Variants in CNTNAP2 observed in about 807,000 individuals in gnomAD.
The protein encoded by CNTNAP2 is contactin-associated protein-like 2.
CNTNAP2 carries 98 observed loss-of-function variants against 155.2 expected under a neutral mutation model. That is an observed-to-expected ratio of 0.63 (90% confidence interval 0.54 to 0.75). The LOEUF (loss-of-function observed/expected upper bound fraction) is 0.75. Ranked by LOEUF, CNTNAP2 falls within the 30% of genes least tolerant of loss-of-function variation. The pLI, the probability that CNTNAP2 is intolerant of heterozygous loss-of-function variation, is 0.00. For synonymous variants in CNTNAP2, 651 were observed against 631.2 expected (o/e 1.03, Z -0.47); for missense variants, 1,727 against 1,688.1 (o/e 1.02, Z -0.40).
intron 14 of CNTNAP2, among the ~76,000 whole-genome samples, chr7:147,977,063 T>C (rs1390680036): frequency 6.6e-6 from 1 of 152,112 alleles, no homozygotes; most frequent in Non-Finnish European, 1.5e-5. Context: ...GTGAAATCTG[T>C]GCTGCACGGG....
At chr7:146,595,285 G>A (rs938530132) in intron 1 of CNTNAP2, among the ~76,000 whole-genome samples, 3 of 151,854 alleles carry the variant, frequency 2.0e-5, no homozygotes, top group Non-Finnish European at 4.4e-5. Flanking sequence ...AATTTTACAA[G>A]GTTCTAACAT....
chr7:147,592,968 C>T (rs879666189), intron 12 of CNTNAP2, among the ~76,000 whole-genome samples: 1 of 152,256 alleles, frequency 6.6e-6, no homozygotes, highest in Non-Finnish European at 1.5e-5. Flanking sequence ...CTGCAGGATG[C>T]GAGGCAAAGA....
intron 2 of CNTNAP2, among the ~76,000 whole-genome samples, chr7:146,776,350 T>A (rs1802389831): frequency 2.0e-5 from 3 of 152,144 alleles, no homozygotes; most frequent in African/African-American, 7.2e-5. Flanking sequence ...ATTTGCTCAG[T>A]AAATTTGGGC....
At chr7:146,938,377 A>G (rs1286800649) in intron 3 of CNTNAP2, among the ~76,000 whole-genome samples, 1 of 119,430 alleles carries the variant, frequency 8.4e-6, no homozygotes, top group Non-Finnish European at 1.9e-5. Context: ...ATATATAAGT[A>G]GTAGAAGTAG....
intron 13 of CNTNAP2, among the ~76,000 whole-genome samples, chr7:147,712,547 C>T (rs577980138): frequency 3.9e-5 from 6 of 152,278 alleles, no homozygotes; most frequent in South Asian, 4.1e-4. Flanking sequence ...ACATATACAC[C>T]GTGGAATACC....
At chr7:146,325,813 T>A (rs1472765451) in intron 1 of CNTNAP2, among the ~76,000 whole-genome samples, 1 of 152,144 alleles carries the variant, frequency 6.6e-6, no homozygotes, top group Non-Finnish European at 1.5e-5. Context: ...ACAAGACACA[T>A]CATGTGCACA....
At chr7:146,379,167 T>A (rs1016846595) in intron 1 of CNTNAP2, among the ~76,000 whole-genome samples, 5 of 152,246 alleles carry the variant, frequency 3.3e-5, no homozygotes, top group Non-Finnish European at 5.9e-5. Flanking sequence ...CTTGGGATTT[T>A]CTGCAGAATG....
At chr7:146,123,733 A>G (rs1255474660) in intron 1 of CNTNAP2, among the ~76,000 whole-genome samples, 1 of 152,236 alleles carries the variant, frequency 6.6e-6, no homozygotes, top group Non-Finnish European at 1.5e-5. Context: ...TTGTTAAAAA[A>G]ACAGTCTGTT....
chr7:147,395,165 C>A (rs1382754186), intron 9 of CNTNAP2, among the ~76,000 whole-genome samples: 1 of 151,600 alleles, frequency 6.6e-6, no homozygotes, highest in Non-Finnish European at 1.5e-5. Flanking sequence ...GAATAACAGG[C>A]AATAGGGAAT....
chr7:146,246,066 C>T (rs1208877186), intron 1 of CNTNAP2, among the ~76,000 whole-genome samples: 2 of 151,888 alleles, frequency 1.3e-5, no homozygotes, highest in African/African-American at 4.8e-5. Context: ...TTTAAAAGGC[C>T]ATGCTGTAGC....
chr7:147,678,666 T>A (rs914337269), intron 13 of CNTNAP2, among the ~76,000 whole-genome samples: 22 of 151,928 alleles, frequency 1.4e-4, no homozygotes, highest in South Asian at 4.1e-4. Flanking sequence ...ACATTATAAT[T>A]TGCATTTTAA....
chr7:147,674,809 ACT>A, intron 13 of CNTNAP2, among the ~76,000 whole-genome samples: 1 of 151,782 alleles, frequency 6.6e-6, no homozygotes, highest in Non-Finnish European at 1.5e-5. Context: ...TTAGGTTGAG[ACT>A]CTTTAGTTGA....
At chr7:148,172,180 T>C in intron 17 of CNTNAP2, 62 bp from the exon 18 acceptor site, 1 of 1,514,306 alleles carries the variant, frequency 6.6e-7, no homozygotes. Flanking sequence ...GTTCAAAATA[T>C]GAAGAATTAA....
At chr7:148,113,291 G>A (rs911003532) in intron 15 of CNTNAP2, among the ~76,000 whole-genome samples, 13 of 152,250 alleles carry the variant, frequency 8.5e-5, no homozygotes, top group South Asian at 2.1e-4. Flanking sequence ...CACATACCCC[G>A]TGGATGGAGC....
At chr7:147,101,607 G>A (rs1169844411) in intron 4 of CNTNAP2, among the ~76,000 whole-genome samples, 1 of 152,140 alleles carries the variant, frequency 6.6e-6, no homozygotes, top group Non-Finnish European at 1.5e-5. Context: ...GTGAATGCAG[G>A]GATTTTACTG....
At chr7:148,412,184 C>G (rs1799856739) in intron 23 of CNTNAP2, among the ~76,000 whole-genome samples, 1 of 152,206 alleles carries the variant, frequency 6.6e-6, no homozygotes, top group Non-Finnish European at 1.5e-5. Flanking sequence ...TTGTGATCCA[C>G]CCACCTCGGC....
Position 147,120,545 on chromosome 7 carries a change from A to G in CNTNAP2, c.755-434A>G, listed in dbSNP as rs140241811. ...CCTTTTTAAAAAAGCACTTTTTTCC[A>G]TGTTTAATAACTTGTACGTACTTTG... On this transcript the variant is annotated intron_variant, in intron 5 of 23. Transcript: ENST00000361727. 5.4e-3 allele frequency among the ~76,000 whole-genome samples: 827 copies of G among 152,270 alleles called. 9 individuals carry two copies. The highest frequency in any genetic ancestry group is 0.037 in the Middle Eastern group (11 of 294).
intron 9 of CNTNAP2, among the ~76,000 whole-genome samples, chr7:147,314,698 A>G (rs1056440960): frequency 6.6e-6 from 1 of 151,276 alleles, no homozygotes; most frequent in Non-Finnish European, 1.5e-5. Context: ...TCTATGGGCT[A>G]TTGAACAAAG....
At chr7:147,293,890 A>G (rs1369286332) in intron 8 of CNTNAP2, among the ~76,000 whole-genome samples, 3 of 152,370 alleles carry the variant, frequency 2.0e-5, no homozygotes, top group Middle Eastern at 3.4e-3. Flanking sequence ...AAAATATTAT[A>G]AAACAATTTA....
Sources: gnomAD v4.1 joint callset for allele counts (sites outside exome capture counted in the v4.1 genomes callset) on GRCh38, gnomAD v4.1.1 for gene constraint, MANE v1.5 for transcripts, NCBI Gene and HGNC (gene_info 2026-07-23, HGNC 2026-07-21) for gene names.